Variants in GALNT7 observed in about 807,000 individuals in gnomAD.
GALNT7 encodes N-acetylgalactosaminyltransferase 7.
A neutral mutation model predicts 82.1 loss-of-function variants in GALNT7; 60 were observed. That is an observed-to-expected ratio of 0.73 (90% confidence interval 0.59 to 0.91). The LOEUF (loss-of-function observed/expected upper bound fraction) is 0.91. Ranked by LOEUF, GALNT7 falls within the 40% of genes least tolerant of loss-of-function variation. GALNT7 has a pLI of 0.00. For missense variants in GALNT7, 660 were observed against 804.2 expected (o/e 0.82, Z 2.17); for synonymous variants, 243 against 275.1 (o/e 0.88, Z 1.15).
intron 1 of GALNT7, among the ~76,000 whole-genome samples, chr4:173,225,547 T>C (rs1733798646): frequency 6.6e-6 from 1 of 152,228 alleles, no homozygotes; most frequent in Non-Finnish European, 1.5e-5. Context: ...TTATTGCATA[T>C]TTAGCATTGC....
rs141826170 is a variant in GALNT7 at position 173,248,141 on chromosome 4, G to A, written c.288G>A (p.Glu96=). ...TAAACAAGGCCAAAAATGAACAAGA[G>A]CACCATGCTGGAGGAGATTCCCAGA... ...RRINKAKNEQ[E]HHAGGDSQKD... The change falls in exon 2 of 12, where the codon GAG becomes GAA. Residue 96 remains glutamate, a synonymous_variant. Coordinates refer to ENST00000265000, the MANE Select transcript of GALNT7 (RefSeq NM_017423.3). The A allele has an allele frequency of 6.1e-5, 98 of 1,613,866 alleles. 1 individual carries two copies. The African/African-American group carries it at 1.1e-3, about 19-fold the overall frequency.
intron 1 of GALNT7, among the ~76,000 whole-genome samples, chr4:173,230,346 CTA>C (rs1331122185): frequency 6.6e-6 from 1 of 152,136 alleles, no homozygotes; most frequent in Non-Finnish European, 1.5e-5. Flanking sequence ...TTAACTACTG[CTA>C]TGTTTCCTTC....
At chr4:173,169,192 C>G (rs1731753466) in intron 1 of GALNT7, 1 of 173,536 alleles carries the variant, frequency 5.8e-6, no homozygotes, top group African/African-American at 2.4e-5. Flanking sequence ...CTTCCCCGCC[C>G]CGGGCTCCGT....
intron 2 of GALNT7, among the ~76,000 whole-genome samples, chr4:173,284,392 A>C (rs6553690): frequency 0.11 from 16,300 of 152,282 alleles, 2,110 homozygotes; most frequent in African/African-American, 0.31. Context: ...ATTGATAGCA[A>C]ATATTCAGAC....
intron 1 of GALNT7, among the ~76,000 whole-genome samples, chr4:173,242,366 G>T (rs1203691592): frequency 6.6e-6 from 1 of 152,080 alleles, no homozygotes; most frequent in African/African-American, 2.4e-5. Context: ...TCCATTTTCA[G>T]TTCTGCCCTA....
At position 173,317,711 on chromosome 4, in the gene GALNT7, C is replaced by A; in HGVS notation, c.1686C>A (p.Cys562Ter). ...TNGGFVELGPCHRMGGNQLFR... is the reference protein window; with the variant it reads ...TNGGFVELGP ...GAGGCTTTGTTGAACTAGGACCCTG[C>A]CACAGGATGGGAGGGAATCAGGTAA... Residue 562 changes from cysteine (C) to a stop codon, truncating the protein, a stop_gained, in exon 10 of 12, where the codon TGC becomes TGA. Coordinates refer to ENST00000265000, the MANE Select transcript of GALNT7 (RefSeq NM_017423.3). LOFTEE classifies it high-confidence loss of function. The A allele has an allele frequency of 6.2e-7, 1 of 1,609,322 alleles. No homozygotes were observed. Among genetic ancestry groups the A allele is most frequent in the Non-Finnish European group, 8.5e-7 (1 of 1,175,692 alleles).
At chr4:173,199,632 A>G (rs1313607744) in intron 1 of GALNT7, among the ~76,000 whole-genome samples, 2 of 152,184 alleles carry the variant, frequency 1.3e-5, no homozygotes, top group African/African-American at 4.8e-5. Flanking sequence ...TGTAGGCACT[A>G]TTCTTACCCA....
intron 2 of GALNT7, among the ~76,000 whole-genome samples, chr4:173,257,170 C>T (rs1443192476): frequency 1.3e-5 from 2 of 152,188 alleles, no homozygotes; most frequent in Non-Finnish European, 2.9e-5. Flanking sequence ...GGCTTCCTTC[C>T]TCTCATTCTG....
chr4:173,289,651 C>T (rs1011060913), intron 2 of GALNT7, among the ~76,000 whole-genome samples: 8 of 152,172 alleles, frequency 5.3e-5, no homozygotes, highest in Admixed American at 3.9e-4. Context: ...TTTAGGTAAG[C>T]CCCCATCCTC....
At chr4:173,204,778 G>A (rs896453712) in intron 1 of GALNT7, among the ~76,000 whole-genome samples, 17 of 152,188 alleles carry the variant, frequency 1.1e-4, no homozygotes, top group African/African-American at 3.1e-4. Context: ...TTTGAATTCT[G>A]TGTCAGACAG....
chr4:173,205,289 G>T (rs1733051379), intron 1 of GALNT7, among the ~76,000 whole-genome samples: 1 of 151,886 alleles, frequency 6.6e-6, no homozygotes, highest in Non-Finnish European at 1.5e-5. Flanking sequence ...AAGTCTGCAG[G>T]GTTGGTCCTG....
chr4:173,270,023 T>A (rs777151049), intron 2 of GALNT7, among the ~76,000 whole-genome samples: 1 of 152,222 alleles, frequency 6.6e-6, no homozygotes, highest in Non-Finnish European at 1.5e-5. Context: ...GATATAAATG[T>A]ATGCATATTT....
intron 5 of GALNT7, 43 bp downstream of exon 5, chr4:173,295,886 C>A (rs780252621): frequency 2.7e-6 from 3 of 1,101,288 alleles, no homozygotes; most frequent in East Asian, 4.7e-5. Flanking sequence ...TGAAAGTAAA[C>A]CTTGTCCTAG....
intron 9 of GALNT7, 99 bp downstream of exon 9, chr4:173,314,275 A>C: frequency 2.4e-6 from 2 of 839,284 alleles, no homozygotes; most frequent in Non-Finnish European, 4.0e-6. Context: ...TCTTGGGGAA[A>C]AGTTGGGGTA....
At chr4:173,243,897 G>A (rs1324447554) in intron 1 of GALNT7, among the ~76,000 whole-genome samples, 3 of 151,810 alleles carry the variant, frequency 2.0e-5, no homozygotes, top group Non-Finnish European at 4.4e-5. Context: ...TTTTCTTTTC[G>A]GAGTCTATCT....
chr4:173,241,557 C>T (rs1734434404), intron 1 of GALNT7, among the ~76,000 whole-genome samples: 1 of 152,142 alleles, frequency 6.6e-6, no homozygotes, highest in Admixed American at 6.5e-5. Flanking sequence ...TATTGAGAGG[C>T]TCTTATATAA....
At position 173,225,065 on chromosome 4, in the gene GALNT7, G is replaced by A. The variant is rs986048992; in HGVS notation, c.127-22915G>A. Among the ~76,000 whole-genome samples, 3 of 148,732 alleles carry A rather than the reference G, an allele frequency of 2.0e-5. No homozygotes were observed. In the East Asian group the frequency reaches 5.8e-4, roughly 29 times the overall value. ...AATAATAATAATTATAATTATATCT[G>A]TGCCCACTTCCCCAAGATCTTCTGA... On this transcript the variant is annotated intron_variant, in intron 1 of 11. Coordinates refer to ENST00000265000, the MANE Select transcript of GALNT7 (RefSeq NM_017423.3).
chr4:173,234,224 TG>T (rs1227133920), intron 1 of GALNT7, among the ~76,000 whole-genome samples: 9 of 152,306 alleles, frequency 5.9e-5, no homozygotes, highest in African/African-American at 2.2e-4. Flanking sequence ...ATGTAAGGGG[TG>T]AATTCCTCAA....
intron 1 of GALNT7, among the ~76,000 whole-genome samples, chr4:173,186,148 A>T (rs78589683): frequency 0.014 from 2,115 of 151,950 alleles, 42 homozygotes; most frequent in East Asian, 0.063. Context: ...GGTCTATTTT[A>T]AAAAAAAATT....
Sources: gnomAD v4.1 joint callset for allele counts (sites outside exome capture counted in the v4.1 genomes callset) on GRCh38, gnomAD v4.1.1 for gene constraint, MANE v1.5 for transcripts, NCBI Gene and HGNC (gene_info 2026-07-23, HGNC 2026-07-21) for gene names.